The following POU6F2 variants were observed in gnomAD, a reference collection of about 807,000 sequenced individuals.
POU6F2 encodes the protein POU class 6 homeobox 2, also known as POU domain, class 6, transcription factor 2.
A neutral mutation model predicts 71.3 loss-of-function variants in POU6F2; 31 were observed. The ratio of observed to expected loss-of-function variants is 0.43; its 90% confidence interval spans 0.33 to 0.59. The LOEUF (loss-of-function observed/expected upper bound fraction) is 0.59. POU6F2 is among the 20% of genes least tolerant of loss of function. The pLI, the probability that POU6F2 is intolerant of heterozygous loss-of-function variation, is 0.04. For missense variants in POU6F2, 783 were observed against 856.8 expected (o/e 0.91, Z 1.07); for synonymous variants, 347 against 355.7 (o/e 0.98, Z 0.27).
chr7:39,114,411 C>T (rs1402212388), intron 2 of POU6F2, among the ~76,000 whole-genome samples: 1 of 152,126 alleles, frequency 6.6e-6, no homozygotes, highest in Non-Finnish European at 1.5e-5. Flanking sequence ...CTTAAAACCC[C>T]TTTAAGTGAA....
intron 1 of POU6F2, among the ~76,000 whole-genome samples, chr7:39,081,841 A>G (rs1304709841): frequency 2.6e-5 from 4 of 152,348 alleles, no homozygotes; most frequent in South Asian, 2.1e-4. Flanking sequence ...TACTAAGTCC[A>G]TAAGCCTTGA....
intron 1 of POU6F2, among the ~76,000 whole-genome samples, chr7:39,010,502 G>T (rs1198491499): frequency 6.6e-6 from 1 of 151,132 alleles, no homozygotes; most frequent in Non-Finnish European, 1.5e-5. Flanking sequence ...TTTTTGAAGG[G>T]TTTTTTGTGT....
intron 7 of POU6F2, among the ~76,000 whole-genome samples, chr7:39,438,743 C>A (rs900012124): frequency 6.6e-6 from 1 of 152,178 alleles, no homozygotes; most frequent in Non-Finnish European, 1.5e-5. Context: ...GATTTCAGTT[C>A]TTTCACATTT....
chr7:39,193,000 G>A (rs772179551), intron 2 of POU6F2, among the ~76,000 whole-genome samples: 14 of 152,074 alleles, frequency 9.2e-5, no homozygotes, highest in South Asian at 2.1e-4. Flanking sequence ...GCACTTTACC[G>A]TGGGCATTGT....
At chr7:39,346,511 C>G (rs1221710718) in intron 5 of POU6F2, among the ~76,000 whole-genome samples, 1 of 152,250 alleles carries the variant, frequency 6.6e-6, no homozygotes, top group African/African-American at 2.4e-5. Flanking sequence ...AATGGTCTGT[C>G]TGCAGCAAGC....
intron 4 of POU6F2, among the ~76,000 whole-genome samples, chr7:39,257,725 C>G (rs1203769132): frequency 1.3e-5 from 2 of 152,110 alleles, no homozygotes; most frequent in Non-Finnish European, 2.9e-5. Flanking sequence ...AAAGATAATA[C>G]TTATGCATTT....
rs7792836 is a variant in POU6F2, at chr7:39,287,371, T to C, written c.599-52271T>C. Among the ~76,000 whole-genome samples the C allele has an allele frequency of 9.1e-3, 1,388 of 152,288 alleles. 21 individuals are homozygous for C. Among genetic ancestry groups the C allele is most frequent in the African/African-American group, 0.031 (1,293 of 41,558 alleles). ...GTTCCCTCCCCTGGATTCTTCTCCC[T>C]GTATGTTACCCCTGCTTTAATGCAC... On this transcript the variant is annotated intron_variant, in intron 4 of 9. Coordinates refer to ENST00000518318, the MANE Select transcript of POU6F2 (RefSeq NM_001370959.1).
chr7:39,096,573 A>G (rs1791457999), intron 2 of POU6F2, among the ~76,000 whole-genome samples: 1 of 152,200 alleles, frequency 6.6e-6, no homozygotes, highest in Non-Finnish European at 1.5e-5. Flanking sequence ...TTTTTATCAA[A>G]TGGCCCACAC....
chr7:38,996,810 C>T (rs749443086), intron 1 of POU6F2, among the ~76,000 whole-genome samples: 1 of 152,128 alleles, frequency 6.6e-6, no homozygotes, highest in African/African-American at 2.4e-5. Flanking sequence ...TGCTTATATC[C>T]GCAAAGGCTG....
intron 4 of POU6F2, among the ~76,000 whole-genome samples, chr7:39,287,490 A>G (rs1784671359): frequency 6.6e-6 from 1 of 152,222 alleles, no homozygotes; most frequent in South Asian, 2.1e-4. Flanking sequence ...GGGGAAAGTC[A>G]TAGTCTACCA....
chr7:39,188,661 C>T lies in POU6F2; in HGVS notation c.278-15574C>T, dbSNP rs569518083. Among the ~76,000 whole-genome samples the T allele has an allele frequency of 1.0e-3, 155 of 152,280 alleles. 1 individual carries two copies. The highest frequency in any genetic ancestry group is 3.4e-3 in the African/African-American group (141 of 41,560). ...TTTTATCTTCTAAGGGTTCTGGTTACGGGATTATGTGAATGATCTTCCTGA... is the reference window on the plus strand; with the variant it reads ...TTTTATCTTCTAAGGGTTCTGGTTATGGGATTATGTGAATGATCTTCCTGA... On this transcript the variant is annotated intron_variant, in intron 2 of 9. Transcript: ENST00000518318.
intron 6 of POU6F2, among the ~76,000 whole-genome samples, chr7:39,414,792 C>CT (rs1321950244): frequency 2.0e-5 from 3 of 151,118 alleles, no homozygotes; most frequent in Non-Finnish European, 4.4e-5. Context: ...AAAGCCCTCT[C>CT]TGAACTCTTT....
intron 1 of POU6F2, among the ~76,000 whole-genome samples, chr7:39,040,563 C>G (rs578116480): frequency 2.6e-5 from 4 of 151,712 alleles, no homozygotes; most frequent in African/African-American, 9.7e-5. Flanking sequence ...GCTATGTTTT[C>G]CAGAAGAAAA....
At chr7:39,360,742 T>C (rs779113885) in intron 5 of POU6F2, among the ~76,000 whole-genome samples, 13 of 152,232 alleles carry the variant, frequency 8.5e-5, no homozygotes, top group Admixed American at 3.3e-4. Context: ...GGTTATTTCT[T>C]GATGATATGC....
At chr7:39,161,962 A>G (rs1246640847) in intron 2 of POU6F2, among the ~76,000 whole-genome samples, 2 of 152,164 alleles carry the variant, frequency 1.3e-5, no homozygotes, top group African/African-American at 4.8e-5. Flanking sequence ...CTGTCCTTGG[A>G]TCAGAAAATA....
At chr7:39,267,132 G>A (rs570330124) in intron 4 of POU6F2, among the ~76,000 whole-genome samples, 123 of 152,202 alleles carry the variant, frequency 8.1e-4, no homozygotes, top group African/African-American at 2.8e-3. Context: ...AGAAGAAAAC[G>A]GCAAAAGTCT....
At chr7:39,310,200 A>AG (rs1305581083) in intron 4 of POU6F2, among the ~76,000 whole-genome samples, 1 of 152,232 alleles carries the variant, frequency 6.6e-6, no homozygotes, top group Non-Finnish European at 1.5e-5. Flanking sequence ...AAAGAAAAAA[A>AG]TCTTGTAAAG....
chr7:39,013,528 C>CT (rs1789386571), intron 1 of POU6F2: 1 of 154,408 alleles, frequency 6.5e-6, no homozygotes, highest in African/African-American at 2.4e-5. Flanking sequence ...GGAGCTGTTC[C>CT]TATGCGGCCA....
chr7:39,436,673 G>A (rs1788252513), intron 7 of POU6F2, among the ~76,000 whole-genome samples: 1 of 152,110 alleles, frequency 6.6e-6, no homozygotes, highest in Non-Finnish European at 1.5e-5. Context: ...AATAGGAGTG[G>A]TGAGAGAGGG....
Sources: allele counts gnomAD v4.1 joint callset (sites outside exome capture counted in the v4.1 genomes callset), GRCh38; gene constraint gnomAD v4.1.1; transcripts MANE v1.5; gene names NCBI Gene and HGNC (gene_info 2026-07-23, HGNC 2026-07-21).